The following SBF2 variants were observed in gnomAD, a reference collection of about 807,000 sequenced individuals.
The protein encoded by SBF2 is myotubularin-related protein 13.
A neutral mutation model predicts 225.2 loss-of-function variants in SBF2; 112 were observed. That is an observed-to-expected ratio of 0.50 (90% CI 0.43 to 0.58). The LOEUF is 0.58. SBF2 is among the 20% of genes least tolerant of loss of function. The pLI is 0.00. For missense variants in SBF2, 1,996 were observed against 2,206.2 expected, an observed-to-expected ratio of 0.90 and a Z score of 1.91; for synonymous variants, 763 against 773.3, an observed-to-expected ratio of 0.99 and a Z score of 0.22.
intron 17 of SBF2, among the ~76,000 whole-genome samples, chr11:9,888,208 G>A (rs1222979815): frequency 1.3e-5 from 2 of 152,128 alleles, no homozygotes; most frequent in East Asian, 1.9e-4. Flanking sequence ...TTAGAAATAC[G>A]TGAAAATGGC....
chr11:10,103,004 C>CT (rs988971442), intron 2 of SBF2, among the ~76,000 whole-genome samples: 13 of 152,070 alleles, frequency 8.5e-5, no homozygotes, highest in African/African-American at 2.9e-4. Flanking sequence ...AAGATTTTTG[C>CT]TTGCCTTTTG....
At chr11:9,999,945 G>T (rs1419142342) in intron 8 of SBF2, among the ~76,000 whole-genome samples, 1 of 152,150 alleles carries the variant, frequency 6.6e-6, no homozygotes, top group Admixed American at 6.5e-5. Context: ...AAATCTTAGG[G>T]ATCTGTGGAT....
intron 1 of SBF2, among the ~76,000 whole-genome samples, chr11:10,204,390 CA>C (rs1369694745): frequency 4.0e-5 from 6 of 151,862 alleles, no homozygotes; most frequent in African/African-American, 1.5e-4. Flanking sequence ...TAATATTACC[CA>C]GCACTTTGGG....
intron 1 of SBF2, among the ~76,000 whole-genome samples, chr11:10,205,008 G>T (rs555246694): frequency 1.1e-4 from 16 of 151,840 alleles, no homozygotes; most frequent in South Asian, 2.1e-4. Flanking sequence ...CGGCCTGTTG[G>T]GGGGAGGTGG....
intron 2 of SBF2, among the ~76,000 whole-genome samples, chr11:10,106,074 T>C (rs1202979173): frequency 6.6e-6 from 1 of 152,170 alleles, no homozygotes; most frequent in Non-Finnish European, 1.5e-5. Context: ...ATGTGCAGGT[T>C]TGTTACATGG....
Position 9,968,397 on chromosome 11 carries a change from G to A in SBF2, c.1544C>T (p.Ala515Val). ...CTTTTCTATTCGTGTGGCAGGAGGT[G>A]CATTCTGGTTCTTAGCAACATTTTC... ...IQENVAKNQN[A>V]PPATRIEKKC... The change falls in exon 14 of 40, where the codon GCA becomes GTA. Residue 515 changes from alanine to valine, a missense_variant. Physicochemically the swap from Ala to Val is moderately conservative, Grantham distance 64. Transcript: ENST00000256190. 6.2e-7 allele frequency: 1 copy of A among 1,614,120 alleles called. No homozygotes were observed. The highest frequency in any genetic ancestry group is 8.5e-7 in the Non-Finnish European group (1 of 1,179,998).
intron 31 of SBF2, 134 bp from the exon 32 acceptor site, chr11:9,808,319 C>T (rs1853968334): frequency 1.4e-6 from 1 of 718,526 alleles, no homozygotes; most frequent in Admixed American, 2.4e-5. Flanking sequence ...ACTAACCATT[C>T]CAGGATGGCC....
chr11:10,027,149 A>G (rs2134621191), intron 6 of SBF2, among the ~76,000 whole-genome samples: 1 of 152,308 alleles, frequency 6.6e-6, no homozygotes, highest in East Asian at 1.9e-4. Context: ...CATTGTTATT[A>G]ACTGTAGTCA....
intron 16 of SBF2, among the ~76,000 whole-genome samples, chr11:9,908,347 T>G (rs1355904204): frequency 6.6e-6 from 1 of 152,130 alleles, no homozygotes; most frequent in African/African-American, 2.4e-5. Flanking sequence ...GATGGGGGGC[T>G]TGGTGCGGTG....
chr11:10,205,899 C>G (rs1225371065), intron 1 of SBF2, among the ~76,000 whole-genome samples: 1 of 151,904 alleles, frequency 6.6e-6, no homozygotes, highest in Non-Finnish European at 1.5e-5. Flanking sequence ...ATCAAGTAAC[C>G]TCGGCAGACA....
At chr11:9,993,784 T>C (rs1204863584) in intron 10 of SBF2, 137 bp downstream of exon 10, 1 of 847,200 alleles carries the variant, frequency 1.2e-6, no homozygotes, top group Non-Finnish European at 1.8e-6. Context: ...CAGCGGCAAG[T>C]ATCCTAATTT....
chr11:10,035,810 T>C (rs908917807), intron 3 of SBF2, among the ~76,000 whole-genome samples: 1 of 152,076 alleles, frequency 6.6e-6, no homozygotes, highest in African/African-American at 2.4e-5. Context: ...TTTTACACTG[T>C]TGGGAGTGAA....
rs1461139300 is a variant in SBF2, at chr11:9,949,834, A to C, written c.1860+12123T>G. On this transcript the variant is annotated intron_variant, in intron 16 of 39. Transcript: ENST00000256190. ...ACAAAAACAATGAAATACATAATAC[A>C]CCATTTACATAAATTAAAATACACA... 2.6e-5 allele frequency among the ~76,000 whole-genome samples: 4 copies of C among 152,176 alleles called. No individual in the cohort carries two copies. In the South Asian group the frequency reaches 8.3e-4, roughly 32 times the overall value.
At chr11:9,960,437 G>C (rs1866489356) in intron 16 of SBF2, 1 of 152,072 alleles carries the variant, frequency 6.6e-6, no homozygotes, top group Non-Finnish European at 1.5e-5. Context: ...ATGTGGAAAT[G>C]ATTCTTGTGT....
At chr11:9,889,419 C>A (rs920305866) in intron 17 of SBF2, among the ~76,000 whole-genome samples, 1 of 152,092 alleles carries the variant, frequency 6.6e-6, no homozygotes, top group Admixed American at 6.6e-5. Context: ...ACCTGTGGGT[C>A]TTTACGTAGA....
rs1174123344 is a variant in SBF2, at chr11:9,781,562, G to C, written c.5396C>G (p.Pro1799Arg). The change falls in exon 39 of 40, where the codon CCT becomes CGT. Residue 1799 changes from proline (P) to arginine (R), a missense_variant. Pro to Arg is a moderately radical substitution (Grantham distance 103, BLOSUM62 -2). Coordinates refer to ENST00000256190, the MANE Select transcript of SBF2 (RefSeq NM_030962.4). ...TGGGGCTCCCATGCTGGGGCCAGCA[G>C]GGATGACCATTTCTACTTCAGCCAG... is the stretch of plus-strand genomic sequence containing the variant. ...IDLAEVEMVI[P>R]AGPSMGAPKH... is the part of the protein sequence containing the mutation. 6.2e-7 allele frequency: 1 copy of C among 1,614,094 alleles called. No individual in the cohort carries two copies. Among genetic ancestry groups the C allele is most frequent in the Non-Finnish European group, 8.5e-7 (1 of 1,180,032 alleles).
At chr11:9,878,290 T>C (rs1859451431) in intron 17 of SBF2, among the ~76,000 whole-genome samples, 1 of 152,220 alleles carries the variant, frequency 6.6e-6, no homozygotes, top group African/African-American at 2.4e-5. Context: ...ATTCTGGATA[T>C]TAGTCCTTTG....
intron 2 of SBF2, among the ~76,000 whole-genome samples, chr11:10,119,720 G>A (rs1008370077): frequency 2.0e-5 from 3 of 152,072 alleles, no homozygotes; most frequent in African/African-American, 7.2e-5. Context: ...TAATCTCCTG[G>A]GATAAAATTA....
chr11:9,831,051 T>A (rs1855368036), intron 27 of SBF2, among the ~76,000 whole-genome samples: 1 of 152,166 alleles, frequency 6.6e-6, no homozygotes, highest in Non-Finnish European at 1.5e-5. Flanking sequence ...CAGGGTGGAG[T>A]GCAGTGGTGC....
Sources: allele counts gnomAD v4.1 joint callset (sites outside exome capture counted in the v4.1 genomes callset), GRCh38; gene constraint gnomAD v4.1.1; transcripts MANE v1.5; gene names NCBI Gene and HGNC (gene_info 2026-07-23, HGNC 2026-07-21).